Variants in CRACDL observed in about 807,000 individuals in gnomAD.
The protein encoded by CRACDL is CRACD-like protein.
CRACDL carries 26 observed loss-of-function variants against 70.6 expected under a neutral mutation model. The observed-to-expected ratio is 0.37, with a 90% CI of 0.27 to 0.51. The LOEUF is 0.51. Ranked by LOEUF, CRACDL falls within the 20% of genes least tolerant of loss-of-function variation. The pLI is 0.94. For synonymous variants in CRACDL, 618 were observed against 615.2 expected, an observed-to-expected ratio of 1.00 and a Z score of -0.07; for missense variants, 1,283 against 1,376.9, an observed-to-expected ratio of 0.93 and a Z score of 1.08.
intron 9 of CRACDL, among the ~76,000 whole-genome samples, chr2:98,795,672 A>T (rs761630822): frequency 1.3e-5 from 2 of 152,148 alleles, no homozygotes; most frequent in Non-Finnish European, 2.9e-5. Context: ...GCTCACTGTC[A>T]ATATACAGTT....
chr2:98,851,135 C>T (rs972098225), intron 1 of CRACDL, among the ~76,000 whole-genome samples: 4 of 152,140 alleles, frequency 2.6e-5, no homozygotes, highest in South Asian at 2.1e-4. Flanking sequence ...TCTTAGCTCC[C>T]GGTACCGTTC....
At chr2:98,917,227 T>C (rs1029190451) in intron 1 of CRACDL, among the ~76,000 whole-genome samples, 6 of 152,256 alleles carry the variant, frequency 3.9e-5, no homozygotes, top group South Asian at 2.1e-4. Flanking sequence ...TTCCCCATCA[T>C]TGGATGTTCA....
At chr2:98,910,641 T>C (rs1708525612) in intron 1 of CRACDL, among the ~76,000 whole-genome samples, 1 of 152,176 alleles carries the variant, frequency 6.6e-6, no homozygotes, top group Admixed American at 6.5e-5. Flanking sequence ...ATGACAACCG[T>C]TTCTACAAAA....
intron 1 of CRACDL, among the ~76,000 whole-genome samples, chr2:98,857,406 A>G (rs1706747521): frequency 6.6e-6 from 1 of 152,228 alleles, no homozygotes; most frequent in East Asian, 1.9e-4. Flanking sequence ...GTACAACAAT[A>G]ATAGTACAAC....
intron 6 of CRACDL, among the ~76,000 whole-genome samples, chr2:98,825,287 A>G (rs1042237820): frequency 6.6e-6 from 1 of 152,212 alleles, no homozygotes; most frequent in Non-Finnish European, 1.5e-5. Flanking sequence ...GAAGGGGAAA[A>G]GAGGGAAAGA....
intron 3 of CRACDL, among the ~76,000 whole-genome samples, chr2:98,836,612 G>C (rs1269283723): frequency 6.6e-6 from 1 of 152,130 alleles, no homozygotes; most frequent in Non-Finnish European, 1.5e-5. Context: ...TGGTTGGAGG[G>C]GCCACTCCCA....
intron 1 of CRACDL, among the ~76,000 whole-genome samples, chr2:98,915,346 G>A (rs1708639618): frequency 6.6e-6 from 1 of 152,224 alleles, no homozygotes; most frequent in Admixed American, 6.5e-5. Flanking sequence ...TATCATAGCA[G>A]TTTCTTTTCT....
At chr2:98,930,423 T>C (rs1279518329) in intron 1 of CRACDL, among the ~76,000 whole-genome samples, 3 of 29,874 alleles carry the variant, frequency 1.0e-4, no homozygotes, top group African/African-American at 3.2e-4. Context: ...CTGTACCGTG[T>C]CCCCTACCCC....
At position 98,821,908 on chromosome 2, in the gene CRACDL, GTTCCCGCTCTCCCGGGCC is replaced by G; in HGVS notation, c.2347_2364del (p.Gly783_Glu788del). 6.2e-7 allele frequency: 1 copy of G among 1,601,334 alleles called. No homozygotes were observed. Among genetic ancestry groups the G allele is most frequent in the South Asian group, 1.1e-5 (1 of 89,700 alleles). ...TCCGCCGTCCTGGGCTCCTTCCTGG[GTTCCCGCTCTCCCGGGCC>G]GGCGTCGGGGGGCGCGGGCTGGTGC... is the stretch of plus-strand genomic sequence containing the variant. On this transcript the variant is annotated inframe_deletion, in exon 7 of 10. Coordinates refer to ENST00000397899, the MANE Select transcript of CRACDL (RefSeq NM_207362.3).
chr2:98,900,086 C>T (rs1034703713), intron 1 of CRACDL, among the ~76,000 whole-genome samples: 1 of 91,906 alleles, frequency 1.1e-5, no homozygotes, highest in Admixed American at 1.4e-4. Context: ...TGGACAGAGG[C>T]TCAGCAGGAG....
chr2:98,810,116 G>C (rs1181572568), intron 7 of CRACDL, among the ~76,000 whole-genome samples: 1 of 152,136 alleles, frequency 6.6e-6, no homozygotes, highest in Non-Finnish European at 1.5e-5. Flanking sequence ...AGGAACCCCA[G>C]GGCATGGGTA....
At chr2:98,795,046 T>TAA (rs10642553) in intron 9 of CRACDL, among the ~76,000 whole-genome samples, 1,637 of 10,880 alleles carry the variant, frequency 0.15, 373 homozygotes, top group African/African-American at 0.22. Flanking sequence ...TAAAAATATA[T>TAA]ATATATATAT....
chr2:98,891,637 AT>A (rs892867842), intron 1 of CRACDL, among the ~76,000 whole-genome samples: 11 of 152,030 alleles, frequency 7.2e-5, no homozygotes, highest in African/African-American at 2.4e-4. Flanking sequence ...AATCCTGGAT[AT>A]TTTTTTTCTT....
At chr2:98,844,586 A>G (rs1185100490) in intron 2 of CRACDL, among the ~76,000 whole-genome samples, 3 of 152,168 alleles carry the variant, frequency 2.0e-5, no homozygotes, top group African/African-American at 7.2e-5. Context: ...CATCTTAACA[A>G]ATTACATCTG....
chr2:98,921,822 C>A (rs1708809957), intron 1 of CRACDL, among the ~76,000 whole-genome samples: 1 of 152,178 alleles, frequency 6.6e-6, no homozygotes, highest in Non-Finnish European at 1.5e-5. Flanking sequence ...CACCGGCCAG[C>A]CCCTCCTGTA....
intron 5 of CRACDL, among the ~76,000 whole-genome samples, chr2:98,831,589 T>C (rs1028752908): frequency 2.0e-5 from 3 of 152,242 alleles, no homozygotes; most frequent in African/African-American, 7.2e-5. Flanking sequence ...CAGGCTTGTC[T>C]ACATGGGAAG....
chr2:98,863,570 CT>C (rs768011724), intron 1 of CRACDL, among the ~76,000 whole-genome samples: 2 of 152,064 alleles, frequency 1.3e-5, no homozygotes, highest in African/African-American at 4.8e-5. Flanking sequence ...GAGACTAGCA[CT>C]TTTTTAAAAA....
chr2:98,823,161 T>G lies in CRACDL; in HGVS notation c.1112A>C (p.Gln371Pro), dbSNP rs550777088. 981 of 1,543,466 alleles carry G rather than the reference T, an allele frequency of 6.4e-4. 16 individuals carry two copies. In the South Asian group the frequency reaches 0.011, roughly 18 times the overall value. The change falls in exon 7 of 10, where the codon CAG becomes CCG. Residue 371 changes from glutamine to proline, a missense_variant. Physicochemically the swap from Gln to Pro is moderately conservative, Grantham distance 76. This residue lies in a region of CRACDL where 921 missense variants were observed against 881.9 expected (regional missense o/e 1.04). Transcript: ENST00000397899. This position sits in a 1 kb window ranked among gnomAD's most constrained non-coding sequence, Gnocchi z 4.0. The stretch of plus-strand genomic sequence containing the variant: ...GCCTGCGGGGGGCGCCTCCCCATCC[T>G]GCTTTCCGCCGTCGGGACCGGGATT... ...PPNPGPDGGK[Q>P]DGEAPPAGPC...
intron 1 of CRACDL, among the ~76,000 whole-genome samples, chr2:98,863,810 T>G (rs928773155): frequency 5.9e-5 from 9 of 152,144 alleles, no homozygotes; most frequent in Non-Finnish European, 8.8e-5. Context: ...CACCTGGAAT[T>G]ATTAGTCTCA....
Sources: gnomAD v4.1 joint callset for allele counts (sites outside exome capture counted in the v4.1 genomes callset) on GRCh38, gnomAD v4.1.1 for gene constraint, gnomAD v4.1.1 regional missense constraint, Gnocchi (gnomAD v3.1) non-coding constraint, MANE v1.5 for transcripts, NCBI Gene and HGNC (gene_info 2026-07-23, HGNC 2026-07-21) for gene names.